NF1: variants seen among roughly 807,000 people sequenced by gnomAD.
The protein encoded by NF1 is neurofibromin 1.
NF1 carries 122 observed loss-of-function variants against 325.7 expected under a neutral mutation model. The ratio of observed to expected loss-of-function variants is 0.37; its 90% CI spans 0.32 to 0.44. NF1 has a LOEUF of 0.44. Among genes scored for constraint, NF1 ranks in the 20% least tolerant of loss-of-function variants. The pLI is 1.00. For synonymous variants in NF1, 1,091 were observed against 1,186.0 expected, an observed-to-expected ratio of 0.92 and a Z score of 1.65; for missense variants, 2,140 against 3,415.4, an observed-to-expected ratio of 0.63 and a Z score of 9.31.
intron 29 of NF1, among the ~76,000 whole-genome samples, chr17:31,238,156 G>A (rs527915053): frequency 3.3e-5 from 5 of 152,222 alleles, no homozygotes; most frequent in African/African-American, 1.2e-4. Flanking sequence ...TGCCTAGAGA[G>A]TTAAAACTCC....
Position 31,165,203 on chromosome 17 carries a change from C to T in NF1, c.479+1827C>T, listed in dbSNP as rs138663062. Among the ~76,000 whole-genome samples, 689 of 152,292 alleles carry T rather than the reference C, an allele frequency of 4.5e-3. 5 individuals are homozygous for T. Among genetic ancestry groups the T allele is most frequent in the African/African-American group, 0.016 (659 of 41,552 alleles). ...GGTTTTACTTTATGGGATTTTGCAG[C>T]ATTAGCACATGTAAAAATAAGCAAC... On this transcript the variant is annotated intron_variant, in intron 4 of 57. Transcript: ENST00000358273.
intron 1 of NF1, among the ~76,000 whole-genome samples, chr17:31,116,466 C>A (rs1913924059): frequency 6.6e-6 from 1 of 152,044 alleles, no homozygotes; most frequent in African/African-American, 2.4e-5. Context: ...TCTGCGTAAT[C>A]TAACTAGGAC....
rs781167415 is a variant in NF1 at position 31,337,556 on chromosome 17, A to G, written c.6616A>G (p.Thr2206Ala). The G allele has an allele frequency of 2.5e-6, 4 of 1,614,102 alleles. No individual in the cohort carries two copies. Among genetic ancestry groups the G allele is most frequent in the South Asian group, 2.2e-5 (2 of 91,054 alleles). ...TGCTTTGACATCCTTGGAAACAGTC[A>G]CAGAAGCTTTGTTGGAGATCATGGA... is the stretch of plus-strand genomic sequence containing the variant. Reference protein sequence around the residue: ...TFALTSLETVTEALLEIMEAC... With the variant: ...TFALTSLETVAEALLEIMEAC... Residue 2206 changes from threonine (T) to alanine (A), a missense_variant, in exon 43 of 58, where the codon ACA becomes GCA. By Grantham distance (58) the Thr-to-Ala change is moderately conservative. Around this residue, in one of 10 missense-constraint regions of NF1, gnomAD observed 180 missense variants for 435.1 expected, o/e 0.41. Coordinates refer to ENST00000358273, the MANE Select transcript of NF1 (RefSeq NM_001042492.3).
intron 8 of NF1, among the ~76,000 whole-genome samples, chr17:31,199,478 G>T (rs1365688905): frequency 6.6e-6 from 1 of 151,942 alleles, no homozygotes; most frequent in East Asian, 1.9e-4. Context: ...GACTTATTTT[G>T]TAGCCTAACA....
intron 36 of NF1, chr17:31,304,762 A>C (rs1410711110): frequency 6.2e-7 from 1 of 1,614,178 alleles, no homozygotes; most frequent in Non-Finnish European, 8.5e-7. Flanking sequence ...GTCATCTGCT[A>C]AAAGTGTGCT....
intron 38 of NF1, among the ~76,000 whole-genome samples, chr17:31,329,150 G>C (rs914155366): frequency 6.6e-6 from 1 of 152,014 alleles, no homozygotes; most frequent in Admixed American, 6.6e-5. Context: ...CCAGCCTGGG[G>C]AACATAGTGA....
chr17:31,262,040 A>G (rs1219891027), intron 35 of NF1, among the ~76,000 whole-genome samples, 183 bp downstream of exon 35: 2 of 152,202 alleles, frequency 1.3e-5, no homozygotes, highest in African/African-American at 2.4e-5. Context: ...TTTATTTTAT[A>G]TATTGATTGT....
intron 36 of NF1, among the ~76,000 whole-genome samples, chr17:31,288,670 A>C (rs1049773827): frequency 2.6e-5 from 4 of 151,698 alleles, no homozygotes; most frequent in African/African-American, 9.7e-5. Context: ...CTGAGTAGCT[A>C]GGATAATAGG....
At chr17:31,122,606 GTCT>G (rs966291677) in intron 1 of NF1, among the ~76,000 whole-genome samples, 2 of 152,122 alleles carry the variant, frequency 1.3e-5, no homozygotes, top group African/African-American at 4.8e-5. Context: ...CATCTGCTTT[GTCT>G]TCTTTAGTTG....
chr17:31,262,198 C>A (rs1483109182), intron 35 of NF1, among the ~76,000 whole-genome samples: 1 of 152,108 alleles, frequency 6.6e-6, no homozygotes, highest in Non-Finnish European at 1.5e-5. Flanking sequence ...GCCTAAGATT[C>A]CACACCTGAT....
At chr17:31,248,441 G>C (rs1194877590) in intron 29 of NF1, among the ~76,000 whole-genome samples, 1 of 151,954 alleles carries the variant, frequency 6.6e-6, no homozygotes, top group African/African-American at 2.4e-5. Flanking sequence ...TGCAGCCTGA[G>C]TATTTCCACA....
At chr17:31,096,953 A>G (rs1450727162) in intron 1 of NF1, among the ~76,000 whole-genome samples, 1 of 152,216 alleles carries the variant, frequency 6.6e-6, no homozygotes, top group Non-Finnish European at 1.5e-5. Flanking sequence ...TAATTTTAAG[A>G]AAGGATTTAA....
intron 1 of NF1, among the ~76,000 whole-genome samples, chr17:31,116,678 T>A (rs1398377598): frequency 6.6e-6 from 1 of 152,010 alleles, no homozygotes; most frequent in Non-Finnish European, 1.5e-5. Flanking sequence ...TATTTATTTA[T>A]TTTTTTCGAG....
intron 35 of NF1, 52 bp from the exon 36 acceptor site, chr17:31,265,177 T>C (rs2067763324): frequency 4.9e-6 from 6 of 1,214,714 alleles, no homozygotes; most frequent in Non-Finnish European, 6.0e-6. Context: ...CTTTTTTACA[T>C]ACTCAGTAGA....
At chr17:31,209,156 G>T (rs1180584241) in intron 12 of NF1, among the ~76,000 whole-genome samples, 1 of 152,084 alleles carries the variant, frequency 6.6e-6, no homozygotes, top group Non-Finnish European at 1.5e-5. Flanking sequence ...AACCAAACAT[G>T]TCTCCAAACA....
intron 36 of NF1, chr17:31,273,427 T>G (rs2067942009): frequency 6.6e-6 from 1 of 152,166 alleles, no homozygotes; most frequent in South Asian, 2.1e-4. Context: ...GGGGCATAAC[T>G]TACCTGAGGG....
chr17:31,177,446 G>A (rs950435188), intron 5 of NF1, among the ~76,000 whole-genome samples: 1 of 150,720 alleles, frequency 6.6e-6, no homozygotes, highest in Non-Finnish European at 1.5e-5. Context: ...AAAAAAAAAC[G>A]AGCACGCCTC....
chr17:31,350,298 T>C lies in NF1; in HGVS notation c.7437T>C (p.His2479=), dbSNP rs1355368926. 1.2e-6 allele frequency: 2 copies of C among 1,612,750 alleles called. No individual in the cohort carries two copies. Among genetic ancestry groups the C allele is most frequent in the Non-Finnish European group, 1.7e-6 (2 of 1,178,924 alleles). The change falls in exon 50 of 58, where the codon CAT becomes CAC. Residue 2479 remains histidine, a synonymous_variant. Transcript: ENST00000358273. The part of the protein sequence containing the change: ...ENVPMDTYPI[H]HGDPSYRTLK... ...TTCCTATGGATACATATCCCATTCATCATGGTGACCCTTCCTATAGGTAAG... is the reference window on the plus strand; with the variant it reads ...TTCCTATGGATACATATCCCATTCACCATGGTGACCCTTCCTATAGGTAAG...
chr17:31,187,436 T>A (rs762455915), intron 8 of NF1, among the ~76,000 whole-genome samples: 13 of 152,302 alleles, frequency 8.5e-5, no homozygotes, highest in Middle Eastern at 3.4e-3. Flanking sequence ...TGACCTTGTA[T>A]CTGCCCCCCT....
Sources: allele counts gnomAD v4.1 joint callset (sites outside exome capture counted in the v4.1 genomes callset), GRCh38; gene constraint gnomAD v4.1.1; regional missense constraint gnomAD v4.1.1; transcripts MANE v1.5; gene names NCBI Gene and HGNC (gene_info 2026-07-23, HGNC 2026-07-21).